Variants in BTAF1 observed in about 807,000 individuals in gnomAD.
The protein encoded by BTAF1 is B-TFIID TATA-box binding protein associated factor 1.
BTAF1 carries 38 observed loss-of-function variants against 227.1 expected under a neutral mutation model. That is an observed-to-expected ratio of 0.17 (90% CI 0.13 to 0.22). BTAF1 has a LOEUF of 0.22. BTAF1 is among the 10% of genes least tolerant of loss of function. The pLI is 1.00. For missense variants in BTAF1, 1,598 were observed against 2,204.0 expected, an observed-to-expected ratio of 0.73 and a Z score of 5.51; for synonymous variants, 742 against 751.9, an observed-to-expected ratio of 0.99 and a Z score of 0.21.
At chr10:91,969,047 T>A (rs556079958) in intron 14 of BTAF1, among the ~76,000 whole-genome samples, 53 of 151,182 alleles carry the variant, frequency 3.5e-4, no homozygotes, top group African/African-American at 1.2e-3. Flanking sequence ...AAAATTTTTT[T>A]TTTTTTTTTT....
Position 92,029,031 on chromosome 10 carries a change from G to A in BTAF1, c.*98G>A, listed in dbSNP as rs2134198242. On this transcript the variant is annotated 3_prime_UTR_variant, in exon 38 of 38. Transcript: ENST00000265990. ...TTATGGTGAACTTTTAACTCAATGT[G>A]TAAATAGATCTGGAGAATATTCAGC... 3 of 1,118,690 alleles carry A rather than the reference G, an allele frequency of 2.7e-6. No homozygotes were observed. The highest frequency in any genetic ancestry group is 2.6e-5 in the East Asian group (1 of 38,512). The allele number at this position is 1,118,690 out of a possible 1,614,324, so 69.3% of individuals were successfully genotyped here.
intron 3 of BTAF1, among the ~76,000 whole-genome samples, chr10:91,940,827 G>A (rs1844943227): frequency 6.6e-6 from 1 of 152,054 alleles, no homozygotes; most frequent in South Asian, 2.1e-4. Context: ...TGCGATTACA[G>A]TTGTGCACCA....
At chr10:91,945,694 A>T (rs996323110) in intron 4 of BTAF1, among the ~76,000 whole-genome samples, 2 of 152,214 alleles carry the variant, frequency 1.3e-5, no homozygotes, top group Non-Finnish European at 2.9e-5. Flanking sequence ...CCATCAGTGG[A>T]CACAGGCTTA....
At chr10:91,975,069 G>A (rs772780366) in intron 14 of BTAF1, among the ~76,000 whole-genome samples, 28 of 152,216 alleles carry the variant, frequency 1.8e-4, no homozygotes, top group Non-Finnish European at 2.9e-4. Context: ...AGATTAACTA[G>A]TGTTAGTAAC....
chr10:91,953,552 A>G (rs1323223875), intron 5 of BTAF1, among the ~76,000 whole-genome samples, 185 bp from the exon 6 acceptor site: 2 of 152,080 alleles, frequency 1.3e-5, no homozygotes, highest in Non-Finnish European at 2.9e-5. Context: ...AATAACAGAG[A>G]AAAGGGAGGA....
chr10:91,939,903 G>T (rs767430293), intron 2 of BTAF1, 49 bp from the exon 3 acceptor site: 9 of 1,286,392 alleles, frequency 7.0e-6, no homozygotes, highest in Non-Finnish European at 8.9e-6. Flanking sequence ...TGGCTACCTT[G>T]CGCAAACAAT....
rs1851837239 is a variant in BTAF1 at position 92,030,703 on chromosome 10, A to G, written c.*1770A>G. On this transcript the variant is annotated 3_prime_UTR_variant, in exon 38 of 38. Transcript: ENST00000265990. Reference sequence around the variant, plus strand: ...CTGAGAGTTTAATCAAAAGGTGTGTATTTCTAGAAGGATGACTAGAAAAAT... The same window carrying G: ...CTGAGAGTTTAATCAAAAGGTGTGTGTTTCTAGAAGGATGACTAGAAAAAT... Among the ~76,000 whole-genome samples the G allele has an allele frequency of 6.6e-6, 1 of 152,186 alleles. No individual in the cohort carries two copies. Among genetic ancestry groups the G allele is most frequent in the East Asian group, 1.9e-4 (1 of 5,196 alleles).
At chr10:92,008,330 G>C in intron 26 of BTAF1, 55 bp downstream of exon 26, 1 of 1,428,018 alleles carries the variant, frequency 7.0e-7, no homozygotes, top group Non-Finnish European at 9.2e-7. Flanking sequence ...AAGCGTTGTG[G>C]GTTTGTTGGG....
intron 7 of BTAF1, among the ~76,000 whole-genome samples, chr10:91,956,954 C>T (rs1231743399): frequency 1.3e-5 from 2 of 151,902 alleles, no homozygotes; most frequent in Non-Finnish European, 2.9e-5. Context: ...TGCACCACCG[C>T]ACTCTAGCCT....
intron 1 of BTAF1, among the ~76,000 whole-genome samples, chr10:91,934,341 A>G (rs1225383787): frequency 1.3e-5 from 2 of 152,038 alleles, no homozygotes; most frequent in Admixed American, 6.6e-5. Flanking sequence ...TTCAGAAGCA[A>G]TTATCCTGCC....
chr10:92,021,031 C>A (rs747356093), intron 34 of BTAF1, among the ~76,000 whole-genome samples: 4 of 152,110 alleles, frequency 2.6e-5, no homozygotes, highest in Admixed American at 6.5e-5. Flanking sequence ...TTTCTAGTAG[C>A]CTTCTTATCC....
rs578187740 is a variant in BTAF1, at chr10:91,963,063, T to C, written c.1404+385T>C. Among the ~76,000 whole-genome samples, 13 of 152,128 alleles carry C rather than the reference T, an allele frequency of 8.5e-5. No homozygotes were observed. In the South Asian group the frequency reaches 2.7e-3, roughly 32 times the overall value. On this transcript the variant is annotated intron_variant, in intron 12 of 37. Transcript: ENST00000265990. Reference sequence around the variant, plus strand: ...CCTCCTCTCATTATTAATTATTAATTAGTATTAATTATTAACTAATAAGTG... The same window carrying C: ...CCTCCTCTCATTATTAATTATTAATCAGTATTAATTATTAACTAATAAGTG...
At chr10:91,942,347 A>C (rs1441891629) in intron 3 of BTAF1, 75 bp from the exon 4 acceptor site, 2 of 1,264,694 alleles carry the variant, frequency 1.6e-6, no homozygotes, top group Non-Finnish European at 2.2e-6. Flanking sequence ...ATGCAACCCA[A>C]GTAATGATAT....
In BTAF1 at chr10:92,028,956, T is replaced by G. The variant is rs927855658; in HGVS notation, c.*23T>G. On this transcript the variant is annotated 3_prime_UTR_variant, in exon 38 of 38. Transcript: ENST00000265990. Reference sequence around the variant, plus strand: ...TAACTATCAAATATTGTAAATGCAATTGCTGCTAGTTCAGTTACATTTCTG... The same window carrying G: ...TAACTATCAAATATTGTAAATGCAAGTGCTGCTAGTTCAGTTACATTTCTG... 12 of 1,554,432 alleles carry G rather than the reference T, an allele frequency of 7.7e-6. No homozygotes were observed. In the African/African-American group the frequency reaches 1.7e-4, roughly 22 times the overall value.
chr10:91,999,062 CAAA>C (rs34831539), intron 25 of BTAF1, among the ~76,000 whole-genome samples: 3 of 115,350 alleles, frequency 2.6e-5, no homozygotes, highest in Non-Finnish European at 1.7e-5. Flanking sequence ...GACTTCCTTT[CAAA>C]AAAAAAAAAA....
chr10:91,985,187 A>G (rs948536715), intron 19 of BTAF1, among the ~76,000 whole-genome samples: 3 of 152,072 alleles, frequency 2.0e-5, no homozygotes, highest in Admixed American at 1.3e-4. Flanking sequence ...TCCCCCCCGA[A>G]GATACATTAC....
At chr10:91,968,822 C>G (rs539124634) in intron 14 of BTAF1, among the ~76,000 whole-genome samples, 1 of 152,190 alleles carries the variant, frequency 6.6e-6, no homozygotes, top group Non-Finnish European at 1.5e-5. Flanking sequence ...TGTTTATTCG[C>G]CATCTACCTC....
At position 91,959,978 on chromosome 10, in the gene BTAF1, G is replaced by A. The variant is rs1444346799; in HGVS notation, c.1087G>A (p.Val363Ile). The A allele has an allele frequency of 4.4e-6, 7 of 1,607,286 alleles. No individual in the cohort carries two copies. The highest frequency in any genetic ancestry group is 5.1e-6 in the Non-Finnish European group (6 of 1,177,082). The change falls in exon 11 of 38, where the codon GTT becomes ATT. Residue 363 changes from valine (V) to isoleucine (I), a missense_variant and splice_region_variant. Physicochemically the swap from Val to Ile is conservative, Grantham distance 29. Transcript: ENST00000265990. The stretch of plus-strand genomic sequence containing the variant: ...AGTTTTCTTCCTTTTTCGTCTGTAG[G>A]TTGTGGCACCAGTTCGTGAAACTTG... ...DRFGDFVSDE[V>I]VAPVRETCAQ...
intron 34 of BTAF1, among the ~76,000 whole-genome samples, chr10:92,019,448 T>C (rs1449412667): frequency 1.3e-5 from 2 of 152,254 alleles, no homozygotes; most frequent in East Asian, 1.9e-4. Flanking sequence ...TTGGCTATTA[T>C]GAATAATGCT....
Sources: gnomAD v4.1 joint callset for allele counts (sites outside exome capture counted in the v4.1 genomes callset) on GRCh38, gnomAD v4.1.1 for gene constraint, MANE v1.5 for transcripts, NCBI Gene and HGNC (gene_info 2026-07-23, HGNC 2026-07-21) for gene names.